FRMPD3: variants seen among roughly 807,000 people sequenced by gnomAD.
The protein encoded by FRMPD3 is FERM and PDZ domain-containing protein 3.
A neutral mutation model predicts 97.9 loss-of-function variants in FRMPD3; 42 were observed. That is an observed-to-expected ratio of 0.43 (90% CI 0.34 to 0.55). FRMPD3 has a LOEUF of 0.55. Ranked by LOEUF, FRMPD3 falls within the 20% of genes least tolerant of loss-of-function variation. The pLI is 0.03. For synonymous variants in FRMPD3, 577 were observed against 581.1 expected (o/e 0.99, Z 0.10); for missense variants, 1,303 against 1,457.7 (o/e 0.89, Z 1.73).
chrX:107,581,248 A>G (rs982702047), intron 13 of FRMPD3, among the ~76,000 whole-genome samples: 3 of 110,442 alleles, frequency 2.7e-5, no homozygotes, highest in African/African-American at 9.9e-5. Flanking sequence ...AGCTGGGATT[A>G]CAGGTGGCCG....
At chrX:107,560,911 C>T (rs1203807018) in intron 10 of FRMPD3, 58 bp downstream of exon 10, 1 of 1,116,026 alleles carries the variant, frequency 9.0e-7, no homozygotes, top group African/African-American at 1.8e-5. Context: ...ACAGGGAGAT[C>T]CTGGGTGGTT....
At position 107,601,742 on chromosome X, in the gene FRMPD3, C is replaced by T. The variant is rs777303211; in HGVS notation, c.3703C>T (p.Arg1235Trp). The T allele has an allele frequency of 1.4e-5, 17 of 1,211,067 alleles. No individual in the cohort carries two copies. Among genetic ancestry groups the T allele is most frequent in the South Asian group, 7.0e-5 (4 of 57,011 alleles). ...CCGCCAGAAGAAGGAGACAGATGAG[C>T]GGCAGGCCCAACTGCAGAAGGTAAA... ...PTRQKKETDE[R>W]QAQLQKVKQY... The change falls in exon 15 of 15, where the codon CGG becomes TGG. Residue 1235 changes from arginine to tryptophan, a missense_variant. By Grantham distance (101) the Arg-to-Trp change is moderately radical. Coordinates refer to ENST00000683843, the MANE Select transcript of FRMPD3 (RefSeq NM_001388459.1).
chrX:107,602,739 T>A lies in FRMPD3; in HGVS notation c.4700T>A (p.Val1567Glu). Residue 1567 changes from valine to glutamate, a missense_variant, in exon 15 of 15, where the codon GTG (valine) becomes GAG (glutamate). Val to Glu is a moderately radical substitution (Grantham distance 121). Around this residue, in one of 3 missense-constraint regions of FRMPD3, gnomAD observed 764 missense variants for 820.2 expected, o/e 0.93. Transcript: ENST00000683843. ...CGCACTCAGGAGATTGACCTCCGTG[T>A]GTCCACCTTCGAGGGGAGCCTGGCC... ...ASRTQEIDLR[V>E]STFEGSLAKI... 1.7e-6 allele frequency: 2 copies of A among 1,209,756 alleles called. No homozygotes were observed. The highest frequency in any genetic ancestry group is 2.2e-6 in the Non-Finnish European group (2 of 895,191).
rs1931240635 is a variant in FRMPD3 at position 107,449,809 on chromosome X, G to T, written c.-204G>T. Among the ~76,000 whole-genome samples, 1 of 107,879 alleles carries T rather than the reference G, an allele frequency of 9.3e-6. No homozygotes were observed. The allele number at this position is 107,879 out of a possible 115,157, so 93.7% of individuals were successfully genotyped here. A position where few individuals can be genotyped will look rare whatever the true frequency, so the allele number is the denominator to read the frequency against. On this transcript the variant is annotated 5_prime_UTR_variant, in exon 1 of 15. Transcript: ENST00000683843. ...CCCGCGTCCCGGGCCAGCTGCTGCC[G>T]CCCTGCCAACCTCTGCCCGCCCCGC...
chrX:107,503,805 A>G (rs1252595590), intron 1 of FRMPD3, among the ~76,000 whole-genome samples: 1 of 112,046 alleles, frequency 8.9e-6, no homozygotes, highest in Non-Finnish European at 1.9e-5. Flanking sequence ...AGAAGTTGCA[A>G]GCTGGGGTAG....
chrX:107,480,258 G>C (rs1011826425), intron 1 of FRMPD3, among the ~76,000 whole-genome samples: 1 of 111,473 alleles, frequency 9.0e-6, no homozygotes, highest in South Asian at 3.8e-4. Context: ...GTGTGGTGAT[G>C]GAGAGGAGGC....
chrX:107,476,868 T>C (rs1427844506), intron 1 of FRMPD3, among the ~76,000 whole-genome samples: 4 of 112,449 alleles, frequency 3.6e-5, no homozygotes, highest in African/African-American at 9.7e-5. Context: ...AACCACTCTC[T>C]CTTCAGAAAG....
intron 1 of FRMPD3, among the ~76,000 whole-genome samples, chrX:107,480,895 G>GAAAGAAAGAAAA (rs1921337447): frequency 1.7e-5 from 1 of 60,585 alleles, no homozygotes; most frequent in African/African-American, 5.8e-5. Context: ...AAGGAAGGAA[G>GAAAGAAAGAAAA]GAAAGAAAGA....
intron 1 of FRMPD3, among the ~76,000 whole-genome samples, chrX:107,515,655 T>G (rs1269521226): frequency 8.9e-6 from 1 of 112,218 alleles, no homozygotes; most frequent in Non-Finnish European, 1.9e-5. Context: ...GGGCAGACAC[T>G]GCAAGGGAAT....
intron 1 of FRMPD3, among the ~76,000 whole-genome samples, chrX:107,489,783 G>A (rs1414077159): frequency 4.5e-5 from 5 of 111,300 alleles, no homozygotes; most frequent in South Asian, 3.8e-4. Context: ...CCCATTTTGT[G>A]GGTTGCCTGT....
intron 12 of FRMPD3, among the ~76,000 whole-genome samples, chrX:107,570,947 T>C (rs1922860762): frequency 8.9e-6 from 1 of 112,121 alleles, no homozygotes; most frequent in Non-Finnish European, 1.9e-5. Context: ...CATTCTCCTT[T>C]CCTCATGCTA....
chrX:107,454,289 C>T (rs2036639232), intron 1 of FRMPD3, among the ~76,000 whole-genome samples: 1 of 111,463 alleles, frequency 9.0e-6, no homozygotes, highest in African/African-American at 3.3e-5. Flanking sequence ...CACAGGCATG[C>T]ATGGCTTCCC....
chrX:107,480,671 A>C lies in FRMPD3; in HGVS notation c.-8+30666A>C, dbSNP rs753989919. 7.4e-5 allele frequency among the ~76,000 whole-genome samples: 8 copies of C among 108,382 alleles called. No individual in the cohort carries two copies. The South Asian group carries it at 3.2e-3, about 44-fold the overall frequency. The allele number at this position is 108,382 out of a possible 115,157, so 94.1% of individuals were successfully genotyped here. A position where few individuals can be genotyped will look rare whatever the true frequency, so the allele number is the denominator to read the frequency against. ...GTGGCAAAACCTGTCTCTACTGAAA[A>C]TACAAAAATTAGCCAGATGTGGTGG... On this transcript the variant is annotated intron_variant, in intron 1 of 14. Transcript: ENST00000683843.
At chrX:107,462,605 GC>G (rs1042245840) in intron 1 of FRMPD3, among the ~76,000 whole-genome samples, 1 of 111,787 alleles carries the variant, frequency 8.9e-6, no homozygotes, top group Admixed American at 9.4e-5. Context: ...GGTGCAAAAT[GC>G]CCTGGAATTC....
At chrX:107,562,781 G>A (rs766312173) in intron 10 of FRMPD3, among the ~76,000 whole-genome samples, 1 of 112,260 alleles carries the variant, frequency 8.9e-6, no homozygotes, top group East Asian at 2.8e-4. Context: ...ATGACTCTAG[G>A]GGTCTGAAAC....
intron 12 of FRMPD3, among the ~76,000 whole-genome samples, chrX:107,566,444 A>G (rs369429158): frequency 8.9e-6 from 1 of 112,533 alleles, no homozygotes. Context: ...TACCTCCTCA[A>G]CCAATGGTTG....
chrX:107,582,023 A>G (rs1923413085), intron 13 of FRMPD3, among the ~76,000 whole-genome samples: 1 of 111,419 alleles, frequency 9.0e-6, no homozygotes, highest in African/African-American at 3.3e-5. Context: ...TCTCCAGTAT[A>G]TACCTAGGAA....
intron 1 of FRMPD3, among the ~76,000 whole-genome samples, chrX:107,497,101 G>A (rs916127060): frequency 8.9e-6 from 1 of 112,484 alleles, no homozygotes; most frequent in Admixed American, 9.3e-5. Context: ...TGTGCCCATA[G>A]GCTGATTGAT....
intron 1 of FRMPD3, among the ~76,000 whole-genome samples, chrX:107,484,132 C>T: frequency 8.9e-6 from 1 of 112,029 alleles, no homozygotes; most frequent in East Asian, 2.9e-4. Context: ...TGGCTACGCT[C>T]GAAGCCCACT....
Sources: gnomAD v4.1 joint callset for allele counts (sites outside exome capture counted in the v4.1 genomes callset) on GRCh38, gnomAD v4.1.1 for gene constraint, gnomAD v4.1.1 regional missense constraint, MANE v1.5 for transcripts, NCBI Gene and HGNC (gene_info 2026-07-23, HGNC 2026-07-21) for gene names.